PTPRT: variants seen among roughly 807,000 people sequenced by gnomAD.
PTPRT encodes the protein receptor-type tyrosine-protein phosphatase T.
PTPRT carries 56 observed loss-of-function variants against 176.8 expected under a neutral mutation model. The ratio of observed to expected loss-of-function variants is 0.32; its 90% confidence interval spans 0.26 to 0.40. The LOEUF is 0.40. Ranked by LOEUF, PTPRT falls within the 10% of genes least tolerant of loss-of-function variation. PTPRT has a pLI of 1.00. For synonymous variants in PTPRT, 783 were observed against 739.0 expected, an observed-to-expected ratio of 1.06 and a Z score of -0.96; for missense variants, 1,540 against 1,908.2, an observed-to-expected ratio of 0.81 and a Z score of 3.60.
At chr20:42,489,598 A>G (rs1353559142) in intron 7 of PTPRT, among the ~76,000 whole-genome samples, 1 of 151,918 alleles carries the variant, frequency 6.6e-6, no homozygotes, top group Non-Finnish European at 1.5e-5. Flanking sequence ...TAGAAAATGC[A>G]TCCTATTACA....
intron 7 of PTPRT, among the ~76,000 whole-genome samples, chr20:42,520,572 C>T (rs1353513057): frequency 1.3e-5 from 2 of 152,080 alleles, no homozygotes; most frequent in Non-Finnish European, 2.9e-5. Context: ...CTCCAATTTT[C>T]CCAGTGCAAT....
intron 17 of PTPRT, among the ~76,000 whole-genome samples, chr20:42,149,357 A>G (rs1365447920): frequency 6.6e-6 from 1 of 152,122 alleles, no homozygotes; most frequent in East Asian, 1.9e-4. Flanking sequence ...AGGGTGTTCA[A>G]TCAAGGTCTC....
At chr20:42,366,612 A>G (rs1188522021) in intron 9 of PTPRT, among the ~76,000 whole-genome samples, 2 of 152,226 alleles carry the variant, frequency 1.3e-5, no homozygotes, top group African/African-American at 2.4e-5. Flanking sequence ...GGGGCCATCA[A>G]GGAATCATCT....
At position 42,118,651 on chromosome 20, in the gene PTPRT, G is replaced by A. The variant is rs1987420335; in HGVS notation, c.2885-151C>T. The A allele has an allele frequency of 5.3e-6, 3 of 566,926 alleles. No individual in the cohort carries two copies. In the South Asian group the frequency reaches 6.8e-5, roughly 13 times the overall value. 35.1% of individuals were successfully genotyped at this position (566,926 alleles called of 1,614,324 possible). A position where few individuals can be genotyped will look rare whatever the true frequency, so the allele number is the denominator to read the frequency against. Reference sequence around the variant, plus strand: ...AAGACACCAAGTATCTGAGACACGGGCCTGAGACATGTGAGCCTGATGGGG... The same window carrying A: ...AAGACACCAAGTATCTGAGACACGGACCTGAGACATGTGAGCCTGATGGGG... On this transcript the variant is annotated intron_variant, in intron 20 of 30. Coordinates refer to ENST00000373187, the MANE Select transcript of PTPRT (RefSeq NM_007050.6).
intron 16 of PTPRT, among the ~76,000 whole-genome samples, chr20:42,179,599 C>T (rs919110786): frequency 6.6e-6 from 1 of 152,114 alleles, no homozygotes. Context: ...TAAACAATGG[C>T]CTAACTAATA....
intron 5 of PTPRT, among the ~76,000 whole-genome samples, chr20:42,764,597 G>T (rs2076957880): frequency 6.6e-6 from 1 of 152,188 alleles, no homozygotes; most frequent in Admixed American, 6.5e-5. Context: ...AGGACTGAGA[G>T]ACAGGACCTA....
intron 7 of PTPRT, among the ~76,000 whole-genome samples, chr20:42,516,393 T>G (rs1443082816): frequency 6.6e-6 from 1 of 152,188 alleles, no homozygotes; most frequent in Admixed American, 6.5e-5. Context: ...TTTTGGACAC[T>G]TATGGAATGA....
rs2078481448 is a variant in PTPRT, at chr20:42,852,023, T to G, written c.214+33784A>C. Among the ~76,000 whole-genome samples, 3 of 152,368 alleles carry G rather than the reference T, an allele frequency of 2.0e-5. No homozygotes were observed. In the South Asian group the frequency reaches 6.2e-4, roughly 32 times the overall value. On this transcript the variant is annotated intron_variant, in intron 2 of 30. Transcript: ENST00000373187. ...TCATTATCTTATTTTGTATTCTGTT[T>G]CAATTACATTTTATTTCACTAGCCA...
chr20:42,661,368 CTAAAAG>C (rs541407609), intron 7 of PTPRT, among the ~76,000 whole-genome samples: 76 of 152,062 alleles, frequency 5.0e-4, no homozygotes, highest in African/African-American at 1.8e-3. Context: ...AGGTCAGTGA[CTAAAAG>C]GGAATAGACA....
chr20:42,651,317 A>G (rs1259064809), intron 7 of PTPRT, among the ~76,000 whole-genome samples: 1 of 152,206 alleles, frequency 6.6e-6, no homozygotes, highest in Non-Finnish European at 1.5e-5. Flanking sequence ...ATAAGAAAAT[A>G]TAGGCATACC....
At chr20:42,411,856 A>T (rs2059022279) in intron 9 of PTPRT, among the ~76,000 whole-genome samples, 1 of 152,104 alleles carries the variant, frequency 6.6e-6, no homozygotes, top group Non-Finnish European at 1.5e-5. Flanking sequence ...ACAAAAAAAA[A>T]AATAGTATCA....
chr20:42,904,297 G>A (rs929991717), intron 1 of PTPRT, among the ~76,000 whole-genome samples: 1 of 152,134 alleles, frequency 6.6e-6, no homozygotes, highest in African/African-American at 2.4e-5. Context: ...AACTTCTAAC[G>A]AAGCTGCAAC....
At chr20:42,068,484 A>G (rs1275953539), downstream of PTPRT, among the ~76,000 whole-genome samples, 3 of 152,134 alleles carry the variant, frequency 2.0e-5, no homozygotes, top group Non-Finnish European at 4.4e-5. Flanking sequence ...CATTTCTTCA[A>G]GATTCTCTCT....
At chr20:42,204,974 C>CTTTTTTTTTTTTTTTT (rs11472303) in intron 15 of PTPRT, among the ~76,000 whole-genome samples, 1 of 138,914 alleles carries the variant, frequency 7.2e-6, no homozygotes, top group Non-Finnish European at 1.5e-5. Flanking sequence ...GAAGGAATTT[C>CTTTTTTTTTTTTTTTT]TTTTTTTTTT....
At chr20:42,418,131 G>A (rs2059083601) in intron 9 of PTPRT, among the ~76,000 whole-genome samples, 1 of 151,956 alleles carries the variant, frequency 6.6e-6, no homozygotes, top group South Asian at 2.1e-4. Context: ...TGCTGTAAGT[G>A]GAAAATGCAC....
chr20:42,403,831 G>T (rs531341930), intron 9 of PTPRT, among the ~76,000 whole-genome samples: 1 of 152,200 alleles, frequency 6.6e-6, no homozygotes, highest in African/African-American at 2.4e-5. Context: ...GTTGGTACAG[G>T]TGACCTATTC....
At chr20:42,978,683 T>C (rs1019218254) in intron 1 of PTPRT, among the ~76,000 whole-genome samples, 4 of 152,086 alleles carry the variant, frequency 2.6e-5, no homozygotes, top group Admixed American at 6.5e-5. Context: ...ATAAAACAGG[T>C]TGCAGTAAAG....
intron 15 of PTPRT, among the ~76,000 whole-genome samples, chr20:42,219,052 C>T (rs570040418): frequency 2.0e-5 from 3 of 152,200 alleles, no homozygotes; most frequent in South Asian, 2.1e-4. Context: ...AGCACTTAAG[C>T]GCCATAAAAT....
chr20:42,425,497 T>C lies in PTPRT; in HGVS notation c.1560+22723A>G, dbSNP rs952753761. On this transcript the variant is annotated intron_variant, in intron 9 of 30. Coordinates refer to ENST00000373187, the MANE Select transcript of PTPRT (RefSeq NM_007050.6). Reference sequence around the variant, plus strand: ...AAGAAAATGGGGAGATCTTGGTCAATGGATGCAAAGGTTCAGTTATGCAAG... The same window carrying C: ...AAGAAAATGGGGAGATCTTGGTCAACGGATGCAAAGGTTCAGTTATGCAAG... 1.3e-4 allele frequency among the ~76,000 whole-genome samples: 20 copies of C among 152,252 alleles called. 2 individuals are homozygous for C. The highest frequency in any genetic ancestry group is 9.8e-4 in the Admixed American group (15 of 15,300).
Sources: gnomAD v4.1 joint callset for allele counts (sites outside exome capture counted in the v4.1 genomes callset) on GRCh38, gnomAD v4.1.1 for gene constraint, MANE v1.5 for transcripts, NCBI Gene and HGNC (gene_info 2026-07-23, HGNC 2026-07-21) for gene names.